Variants in ASB3 observed in about 807,000 individuals in gnomAD.
ASB3 encodes the protein ankyrin repeat and SOCS box protein 3.
In ASB3, 41 loss-of-function variants were observed where a neutral mutation model predicts 54.5. The observed-to-expected ratio is 0.75, with a 90% CI of 0.59 to 0.98. The LOEUF (loss-of-function observed/expected upper bound fraction) is 0.98. ASB3 is among the 50% of genes least tolerant of loss of function. The pLI is 0.00. For synonymous variants in ASB3, 266 were observed against 221.2 expected, an observed-to-expected ratio of 1.20 and a Z score of -1.80; for missense variants, 733 against 620.0, an observed-to-expected ratio of 1.18 and a Z score of -1.94.
chr2:53,702,374 CTTCAGGGCTCTATATGACCTTGAT>C (rs922626485), intron 7 of ASB3, among the ~76,000 whole-genome samples: 1 of 152,186 alleles, frequency 6.6e-6, no homozygotes, highest in Non-Finnish European at 1.5e-5. Flanking sequence ...GCAACTTCAA[CTTCAGGGCTCTATATGACCTTGAT>C]TATTACATGT....
intron 3 of ASB3, among the ~76,000 whole-genome samples, chr2:53,734,287 T>C (rs1381100627): frequency 6.6e-6 from 1 of 152,224 alleles, no homozygotes; most frequent in African/African-American, 2.4e-5. Flanking sequence ...TCATTCCTTC[T>C]CTACTGGGCT....
chr2:53,693,517 T>C (rs1169784887), intron 9 of ASB3, among the ~76,000 whole-genome samples: 3 of 151,960 alleles, frequency 2.0e-5, no homozygotes, highest in Non-Finnish European at 2.9e-5. Flanking sequence ...CCACAGACAT[T>C]CCAAAGAGAA....
chr2:53,783,760 C>T (rs1674783306), intron 1 of ASB3, among the ~76,000 whole-genome samples: 1 of 152,130 alleles, frequency 6.6e-6, no homozygotes, highest in South Asian at 2.1e-4. Context: ...ATTAAATGAG[C>T]AGGCAAGGTA....
intron 2 of ASB3, among the ~76,000 whole-genome samples, chr2:53,757,378 C>A (rs1425446302): frequency 6.6e-6 from 1 of 152,236 alleles, no homozygotes; most frequent in African/African-American, 2.4e-5. Context: ...CGACTAGAGG[C>A]AGAAAGCTGT....
intron 1 of ASB3, among the ~76,000 whole-genome samples, chr2:53,766,290 A>G (rs1030322693): frequency 1.3e-5 from 2 of 152,148 alleles, no homozygotes; most frequent in African/African-American, 4.8e-5. Flanking sequence ...ACCTCCCTCC[A>G]ATGCTCACTT....
chr2:53,708,181 G>A (rs887184225), intron 7 of ASB3, among the ~76,000 whole-genome samples: 4 of 152,092 alleles, frequency 2.6e-5, no homozygotes, highest in Admixed American at 1.3e-4. Context: ...CATCCCCCTC[G>A]GTAGTGTCCT....
At chr2:53,671,787 T>C (rs1031453454) in intron 9 of ASB3, among the ~76,000 whole-genome samples, 1 of 126,404 alleles carries the variant, frequency 7.9e-6, no homozygotes, top group Admixed American at 7.2e-5. Context: ...AATCATATGA[T>C]AGCAGTTTCA....
intron 6 of ASB3, 56 bp downstream of exon 6, chr2:53,716,510 T>G (rs1670400341): frequency 1.9e-6 from 3 of 1,575,164 alleles, no homozygotes; most frequent in South Asian, 2.4e-5. Context: ...CCCAGATTTA[T>G]TCTTTATTAG....
chr2:53,682,374 T>C (rs546229649), intron 9 of ASB3, among the ~76,000 whole-genome samples: 5 of 152,186 alleles, frequency 3.3e-5, no homozygotes, highest in Admixed American at 6.5e-5. Flanking sequence ...GCTTTCATTG[T>C]AGAGATCTCT....
At chr2:53,763,479 G>A (rs1673262193) in intron 2 of ASB3, 1 of 169,296 alleles carries the variant, frequency 5.9e-6, no homozygotes, top group African/African-American at 2.4e-5. Context: ...ACAGACGGCT[G>A]ACCTTTTGTA....
Position 53,674,150 on chromosome 2 carries a change from G to GT in ASB3, c.1370-3461dup, listed in dbSNP as rs1198823952. On this transcript the variant is annotated intron_variant, in intron 9 of 9. Coordinates refer to ENST00000263634, the MANE Select transcript of ASB3 (RefSeq NM_016115.5). ...ACGAAAAAGGCCACAGAAGCTGTAT[G>GT]TAAAACATACTTTCATGAAAACCTA... Among the ~76,000 whole-genome samples the GT allele has an allele frequency of 2.0e-5, 3 of 152,296 alleles. No individual in the cohort carries two copies. The East Asian group carries it at 5.8e-4, about 29-fold the overall frequency.
At chr2:53,748,777 T>A (rs1458380559) in intron 3 of ASB3, among the ~76,000 whole-genome samples, 1 of 152,128 alleles carries the variant, frequency 6.6e-6, no homozygotes, top group African/African-American at 2.4e-5. Flanking sequence ...CAACTAAATA[T>A]AACAAGTGAT....
intron 3 of ASB3, among the ~76,000 whole-genome samples, chr2:53,743,491 AAG>A (rs1232503167): frequency 1.3e-5 from 2 of 152,238 alleles, no homozygotes; most frequent in African/African-American, 4.8e-5. Context: ...TGATGCATTT[AAG>A]ATGCCAGAAC....
intron 2 of ASB3, among the ~76,000 whole-genome samples, chr2:53,752,498 C>T (rs1222831639): frequency 1.3e-5 from 2 of 152,232 alleles, no homozygotes; most frequent in African/African-American, 4.8e-5. Flanking sequence ...TGGCTTCACC[C>T]CATTCTTCCA....
chr2:53,683,722 G>C (rs1476277075), intron 9 of ASB3, among the ~76,000 whole-genome samples: 1 of 152,020 alleles, frequency 6.6e-6, no homozygotes, highest in African/African-American at 2.4e-5. Context: ...TATGTGTCGA[G>C]GAATTTATCC....
chr2:53,703,047 T>G (rs1330989554), intron 7 of ASB3, among the ~76,000 whole-genome samples: 1 of 152,206 alleles, frequency 6.6e-6, no homozygotes, highest in Non-Finnish European at 1.5e-5. Flanking sequence ...TAACAATGAT[T>G]AGTATCAACT....
chr2:53,781,441 A>C (rs927599355), intron 1 of ASB3, among the ~76,000 whole-genome samples: 3 of 150,752 alleles, frequency 2.0e-5, no homozygotes, highest in Admixed American at 6.6e-5. Context: ...GAGAGATGGT[A>C]GTTATCTCAT....
intron 9 of ASB3, among the ~76,000 whole-genome samples, chr2:53,682,198 T>A (rs1387005827): frequency 6.6e-6 from 1 of 152,084 alleles, no homozygotes; most frequent in Non-Finnish European, 1.5e-5. Context: ...CTTTTTCTAT[T>A]TCTGTGAAGA....
chr2:53,694,928 A>G (rs1042375967), intron 8 of ASB3, among the ~76,000 whole-genome samples: 2 of 152,176 alleles, frequency 1.3e-5, no homozygotes, highest in African/African-American at 4.8e-5. Flanking sequence ...CTTCAGTATT[A>G]TATTTTTAGA....
Sources: gnomAD v4.1 joint callset for allele counts (sites outside exome capture counted in the v4.1 genomes callset) on GRCh38, gnomAD v4.1.1 for gene constraint, MANE v1.5 for transcripts, NCBI Gene and HGNC (gene_info 2026-07-23, HGNC 2026-07-21) for gene names.